The following CD47 variants were observed in gnomAD, a reference collection of about 807,000 sequenced individuals.
CD47 encodes the protein CD47 molecule.
In CD47, 11 loss-of-function variants were observed where a neutral mutation model predicts 44.6. That is an observed-to-expected ratio of 0.25 (90% CI 0.16 to 0.41). CD47 has a LOEUF of 0.41. Among genes scored for constraint, CD47 ranks in the 10% least tolerant of loss-of-function variants. The probability of loss-of-function intolerance (pLI) is 1.00; values close to 1 mark genes in which losing one functional copy is unlikely to be tolerated. For synonymous variants in CD47, 140 were observed against 136.3 expected, an observed-to-expected ratio of 1.03 and a Z score of -0.19; for missense variants, 306 against 386.7, an observed-to-expected ratio of 0.79 and a Z score of 1.75.
intron 1 of CD47, among the ~76,000 whole-genome samples, chr3:108,085,796 T>C (rs887843517): frequency 1.3e-5 from 2 of 152,146 alleles, no homozygotes; most frequent in African/African-American, 4.8e-5. Context: ...ATAAATTCCA[T>C]AGAAGAAAAA....
rs751850940 is a variant in CD47, at chr3:108,055,606, T to A, written c.877+1871A>T. 5 of 1,159,834 alleles carry A rather than the reference T, an allele frequency of 4.3e-6. 1 individual carries two copies. Among genetic ancestry groups the A allele is most frequent in the Middle Eastern group, 4.5e-4 (2 of 4,432 alleles). 71.8% of individuals were successfully genotyped at this position (1,159,834 alleles called of 1,614,324 possible). A position where few individuals can be genotyped will look rare whatever the true frequency, so the allele number is the denominator to read the frequency against. On this transcript the variant is annotated intron_variant, in intron 7 of 10. Transcript: ENST00000361309. ...GTTGATTTAAAAAGTTAATTTAGGA[T>A]ACTATCAATAAAATTAGGACACTAT...
rs771140932 is a variant in CD47 at position 108,059,486 on chromosome 3, T to C, written c.657A>G (p.Ile219Met). The C allele has an allele frequency of 6.6e-7, 1 of 1,524,388 alleles. No homozygotes were observed. The highest frequency in any genetic ancestry group is 1.2e-5 in the South Asian group (1 of 80,690). The allele number at this position is 1,524,388 out of a possible 1,614,324, so 94.4% of individuals were successfully genotyped here. ...GLGLIVTSTG[I>M]LILLHYYVFS... is the part of the protein sequence containing the mutation. ...ACACATAGTAGTGAAGTAATATTAA[T>C]ATCCCTGTAGAAGTCACAATTAAAC... The change falls in exon 5 of 11, where the codon ATA (isoleucine) becomes ATG (methionine). Residue 219 changes from isoleucine (I) to methionine (M), a missense_variant. Physicochemically the swap from Ile to Met is conservative, Grantham distance 10. Around this residue, in one of 5 missense-constraint regions of CD47, gnomAD observed 131 missense variants for 135.3 expected, o/e 0.97. Coordinates refer to ENST00000361309, the MANE Select transcript of CD47 (RefSeq NM_001777.4).
At chr3:108,080,918 A>T (rs2079405488) in intron 1 of CD47, among the ~76,000 whole-genome samples, 1 of 151,870 alleles carries the variant, frequency 6.6e-6, no homozygotes, top group Non-Finnish European at 1.5e-5. Context: ...TAGGATGGAA[A>T]ATCTTAAAAT....
At chr3:108,057,361 C>G in intron 7 of CD47, 116 bp downstream of exon 7, 1 of 588,486 alleles carries the variant, frequency 1.7e-6, no homozygotes, top group Non-Finnish European at 3.1e-6. Flanking sequence ...CCTCGAATCA[C>G]TCCAATTGTA....
intron 5 of CD47, 24 bp from the exon 6 acceptor site, chr3:108,058,453 C>T: frequency 6.8e-7 from 1 of 1,461,370 alleles, no homozygotes; most frequent in Non-Finnish European, 9.4e-7. Context: ...AAGGATGTAA[C>T]AGAAGCATGT....
intron 8 of CD47, 152 bp downstream of exon 8, chr3:108,051,787 T>C: frequency 1.4e-6 from 1 of 712,322 alleles, no homozygotes; most frequent in Non-Finnish European, 2.7e-6. Context: ...AAAATAGAAC[T>C]GGACCCATTC....
Position 108,090,431 on chromosome 3 carries a change from A to G in CD47, c.46+432T>C, listed in dbSNP as rs555950428. 2.0e-5 allele frequency among the ~76,000 whole-genome samples: 3 copies of G among 151,702 alleles called. No individual in the cohort carries two copies. In the East Asian group the frequency reaches 5.8e-4, roughly 29 times the overall value. On this transcript the variant is annotated intron_variant, in intron 1 of 10. Transcript: ENST00000361309. Reference sequence around the variant, plus strand: ...CATCGCAAGAGGCCCGGGCCCTCCCACTCTCCCTCCCTCAACCCCAAATGC... The same window carrying G: ...CATCGCAAGAGGCCCGGGCCCTCCCGCTCTCCCTCCCTCAACCCCAAATGC...
intron 4 of CD47, among the ~76,000 whole-genome samples, chr3:108,060,184 T>G (rs945763801): frequency 6.6e-6 from 1 of 152,222 alleles, no homozygotes; most frequent in Admixed American, 6.5e-5. Flanking sequence ...AGTTGAATGA[T>G]GGCCCTAAAA....
intron 2 of CD47, among the ~76,000 whole-genome samples, chr3:108,076,525 C>T (rs12638945): frequency 0.28 from 41,901 of 151,966 alleles, 5,807 homozygotes; most frequent in South Asian, 0.31. Flanking sequence ...GGTTTTGATG[C>T]CAAAGAGATC....
In CD47 at chr3:108,050,779, C is replaced by T. The variant is rs141622665; in HGVS notation, c.910-177G>A. The T allele has an allele frequency of 1.1e-3, 544 of 483,060 alleles. 13 individuals carry two copies. The East Asian group carries it at 0.02, about 18-fold the overall frequency. 29.9% of individuals were successfully genotyped at this position (483,060 alleles called of 1,614,324 possible). ...CTGTAAATGTTAAAGCAAAGCTTGC[C>T]AAGTCGGGTTAATAGTTTAATAATA... On this transcript the variant is annotated intron_variant, in intron 8 of 10. Transcript: ENST00000361309.
At chr3:108,082,608 T>C (rs1435897553) in intron 1 of CD47, among the ~76,000 whole-genome samples, 1 of 151,880 alleles carries the variant, frequency 6.6e-6, no homozygotes, top group Non-Finnish European at 1.5e-5. Flanking sequence ...AAGAGATTAT[T>C]CTTAAAAAAA....
chr3:108,059,967 C>T (rs2078982679), intron 4 of CD47, among the ~76,000 whole-genome samples: 1 of 152,208 alleles, frequency 6.6e-6, no homozygotes, highest in South Asian at 2.1e-4. Flanking sequence ...AAATATTACA[C>T]CTGCACTGCA....
chr3:108,043,878 A>T lies in CD47; in HGVS notation c.*3410T>A, dbSNP rs1391761408. ...AAAACTGCCTGGTCACTCACTGCTCATCTCTTCAAAGTTACCTGGATTATC... is the reference window on the plus strand; with the variant it reads ...AAAACTGCCTGGTCACTCACTGCTCTTCTCTTCAAAGTTACCTGGATTATC... On this transcript the variant is annotated 3_prime_UTR_variant, in exon 11 of 11. Transcript: ENST00000361309. The T allele has an allele frequency of 6.6e-6, 1 of 152,652 alleles. No individual in the cohort carries two copies. Among genetic ancestry groups the T allele is most frequent in the South Asian group, 2.1e-4 (1 of 4,834 alleles). 9.5% of individuals were successfully genotyped at this position (152,652 alleles called of 1,614,324 possible).
chr3:108,083,903 T>G (rs1250959491), intron 1 of CD47, among the ~76,000 whole-genome samples: 1 of 151,636 alleles, frequency 6.6e-6, no homozygotes, highest in Non-Finnish European at 1.5e-5. Context: ...CACCTTTTTT[T>G]TTTTTTTGCT....
In CD47 at chr3:108,080,031, G is replaced by A; in HGVS notation, c.360C>T (p.Thr120=). 6.2e-7 allele frequency: 1 copy of A among 1,612,234 alleles called. No individual in the cohort carries two copies. The highest frequency in any genetic ancestry group is 8.5e-7 in the Non-Finnish European group (1 of 1,178,802). Residue 120 remains threonine (T), a synonymous_variant, in exon 2 of 11, where the codon ACC becomes ACT. Transcript: ENST00000361309. ...GNYTCEVTEL[T]REGETIIELK... ...GCTCGATGATCGTTTCACCTTCTCT[G>A]GTTAATTCTGTTACTTCACAAGTGT...
intron 8 of CD47, among the ~76,000 whole-genome samples, chr3:108,051,085 T>A (rs2078818544): frequency 6.6e-6 from 1 of 152,216 alleles, no homozygotes; most frequent in Non-Finnish European, 1.5e-5. Context: ...TTCTAGAATA[T>A]ACCCCTGTGG....
chr3:108,088,524 T>C (rs1481696858), intron 1 of CD47, among the ~76,000 whole-genome samples: 3 of 152,140 alleles, frequency 2.0e-5, no homozygotes, highest in Non-Finnish European at 4.4e-5. Flanking sequence ...TTAAAAATAA[T>C]ATATTCTTTA....
At chr3:108,078,417 T>C (rs760541963) in intron 2 of CD47, among the ~76,000 whole-genome samples, 1 of 152,004 alleles carries the variant, frequency 6.6e-6, no homozygotes, top group Non-Finnish European at 1.5e-5. Context: ...TCAAATCTCA[T>C]ATTTTGAGTT....
At chr3:108,071,308 C>T in intron 2 of CD47, 126 bp from the exon 3 acceptor site, 1 of 549,584 alleles carries the variant, frequency 1.8e-6, no homozygotes, top group Non-Finnish European at 3.2e-6. Context: ...CTTATTTTTA[C>T]ATGTATTTAT....
Sources: gnomAD v4.1 joint callset for allele counts (sites outside exome capture counted in the v4.1 genomes callset) on GRCh38, gnomAD v4.1.1 for gene constraint, gnomAD v4.1.1 regional missense constraint, MANE v1.5 for transcripts, NCBI Gene and HGNC (gene_info 2026-07-23, HGNC 2026-07-21) for gene names.